The following DRC11L variants were observed in gnomAD, a reference collection of about 807,000 sequenced individuals.
DRC11L encodes the protein dynein regulatory complex subunit like-11.
the DRC11L span, chr7:151,194,258 A>G: frequency 5.0e-6 from 2 of 399,028 alleles, no homozygotes; most frequent in South Asian, 1.3e-4. Flanking sequence ...CCTCTCACCA[A>G]GCCGAAGGAC....
the DRC11L span, among the ~76,000 whole-genome samples, chr7:151,202,709 G>A: frequency 1.3e-5 from 2 of 152,292 alleles, no homozygotes. Context: ...AAATTAGCTG[G>A]GCGTATTGTC....
chr7:151,204,237 C>T, the DRC11L span, among the ~76,000 whole-genome samples: 1 of 152,192 alleles, frequency 6.6e-6, no homozygotes, highest in African/African-American at 2.4e-5. Context: ...TGCACACCCC[C>T]CACCGCCAAG....
At chr7:151,200,412 G>T in the DRC11L span, 1 of 399,150 alleles carries the variant, frequency 2.5e-6, no homozygotes, top group Middle Eastern at 6.3e-4. Flanking sequence ...TCCATTCGCC[G>T]GTCCTGCTGA....
the DRC11L span, among the ~76,000 whole-genome samples, chr7:151,203,989 C>A: frequency 6.6e-6 from 1 of 152,204 alleles, no homozygotes. Context: ...TCTAGAACAG[C>A]CTTCTAGAAC....
the DRC11L span, chr7:151,200,283 G>A: frequency 1.3e-5 from 5 of 398,944 alleles, no homozygotes; most frequent in Admixed American, 4.4e-5. Context: ...GGAGAGCACC[G>A]TGGGCACTGT....
chr7:151,195,032 C>G, the DRC11L span, among the ~76,000 whole-genome samples: 1 of 152,156 alleles, frequency 6.6e-6, no homozygotes, highest in Non-Finnish European at 1.5e-5. Flanking sequence ...GCTCTCTTTA[C>G]CAGACAAGTC....
chr7:151,193,967 G>C, the DRC11L span, among the ~76,000 whole-genome samples: 5 of 152,100 alleles, frequency 3.3e-5, no homozygotes, highest in African/African-American at 1.2e-4. Context: ...TCAGCTCAGG[G>C]GGTATAGGGC....
chr7:151,192,505 C>G, the DRC11L span: 4 of 398,576 alleles, frequency 1.0e-5, no homozygotes, highest in Non-Finnish European at 1.8e-5. Context: ...AGTGGCCCAG[C>G]GTATGGGGCT....
At chr7:151,197,164 C>T in the DRC11L span, 2 of 398,140 alleles carry the variant, frequency 5.0e-6, no homozygotes, top group Non-Finnish European at 8.9e-6. Flanking sequence ...CACACCTTCT[C>T]CTCCCTGTCC....
chr7:151,203,117 A>C, the DRC11L span: 1 of 399,142 alleles, frequency 2.5e-6, no homozygotes. Flanking sequence ...CAGGGGCAAA[A>C]GAGCAGGAGC....
At chr7:151,203,621 C>T in the DRC11L span, 1 of 395,960 alleles carries the variant, frequency 2.5e-6, no homozygotes. Flanking sequence ...CTGTTTTCCT[C>T]CATTTTAGAG....
At chr7:151,192,342 G>A in the DRC11L span, 18 of 399,096 alleles carry the variant, frequency 4.5e-5, no homozygotes, top group Middle Eastern at 1.2e-3. Context: ...CACAGACCCC[G>A]CATCTCGGCC....
chr7:151,192,491 G>T, the DRC11L span: 1 of 398,900 alleles, frequency 2.5e-6, no homozygotes, highest in East Asian at 3.6e-5. Context: ...TGGGGCTGGG[G>T]CACAGTGGCC....
the DRC11L span, chr7:151,192,206 C>A: frequency 2.5e-6 from 1 of 398,660 alleles, no homozygotes; most frequent in South Asian, 1.3e-4. Flanking sequence ...CTCGCAGCAG[C>A]AATGGGGTAT....
chr7:151,192,796 TC>T, the DRC11L span: 10 of 398,978 alleles, frequency 2.5e-5, no homozygotes, highest in Admixed American at 4.4e-4. Context: ...GCATTTCCAA[TC>T]CAAATCACAG....
At chr7:151,200,672 C>T in the DRC11L span, among the ~76,000 whole-genome samples, 1 of 152,036 alleles carries the variant, frequency 6.6e-6, no homozygotes, top group Non-Finnish European at 1.5e-5. Flanking sequence ...GCCCCAGGGC[C>T]CCCCAGGGAT....
At chr7:151,203,608 G>A in the DRC11L span, 1 of 396,748 alleles carries the variant, frequency 2.5e-6, no homozygotes, top group African/African-American at 2.1e-5. Context: ...CACACCCCCA[G>A]CACTGTTTTC....
the DRC11L span, chr7:151,193,633 C>G: frequency 2.5e-6 from 1 of 398,140 alleles, no homozygotes; most frequent in Admixed American, 4.4e-5. Flanking sequence ...TCCCCAACAC[C>G]AGCAGGTCCC....
the DRC11L span, among the ~76,000 whole-genome samples, chr7:151,194,013 G>A: frequency 6.6e-6 from 1 of 151,912 alleles, no homozygotes; most frequent in African/African-American, 2.4e-5. Context: ...ACCCTGGGTT[G>A]TCCCTTGGGA....
Sources: allele counts gnomAD v4.1 joint callset (sites outside exome capture counted in the v4.1 genomes callset), GRCh38; gene constraint gnomAD v4.1.1; transcripts MANE v1.5; gene names NCBI Gene and HGNC (gene_info 2026-07-23, HGNC 2026-07-21).